SINHCAF: variants seen among roughly 807,000 people sequenced by gnomAD.
The protein encoded by SINHCAF is SIN3-HDAC complex associated factor.
Under a neutral mutation model 25.8 loss-of-function variants are expected in SINHCAF, and 3 were observed. The observed-to-expected ratio is 0.12, with a 90% CI of 0.05 to 0.30. The LOEUF (loss-of-function observed/expected upper bound fraction) is 0.30, where lower values mean the gene tolerates loss of function less well. Ranked by LOEUF, SINHCAF falls within the 10% of genes least tolerant of loss-of-function variation. The pLI is 1.00. For missense variants in SINHCAF, 121 were observed against 262.3 expected, an observed-to-expected ratio of 0.46 and a Z score of 3.72; for synonymous variants, 70 against 85.5, an observed-to-expected ratio of 0.82 and a Z score of 1.00.
At position 31,287,619 on chromosome 12, in the gene SINHCAF, CTT is replaced by C. The variant is rs1358074352; in HGVS notation, c.506+13_506+14del. 6.4e-7 allele frequency: 1 copy of C among 1,571,094 alleles called. No homozygotes were observed. The highest frequency in any genetic ancestry group is 1.4e-5 in the African/African-American group (1 of 73,950). On this transcript the variant is annotated intron_variant, in intron 5 of 5. Transcript: ENST00000337682. ...AGATGGTTTGCTGGTTAGAGAGATA[CTT>C]TGTTTCTTTTACCTTTTCCAGTAAG...
intron 1 of SINHCAF, among the ~76,000 whole-genome samples, chr12:31,299,798 A>G (rs538867074): frequency 3.9e-5 from 6 of 152,338 alleles, no homozygotes; most frequent in African/African-American, 1.4e-4. Context: ...ATCCTTGTGC[A>G]GACATCAGTG....
intron 1 of SINHCAF, among the ~76,000 whole-genome samples, chr12:31,321,931 A>G (rs923209782): frequency 4.6e-5 from 7 of 152,240 alleles, no homozygotes; most frequent in African/African-American, 1.7e-4. Context: ...TCTGACATAA[A>G]TATGTCTGAG....
chr12:31,324,116 T>C lies in SINHCAF; in HGVS notation c.-21+1908A>G. 1 of 451,608 alleles carries C rather than the reference T, an allele frequency of 2.2e-6. No homozygotes were observed. The highest frequency in any genetic ancestry group is 1.6e-5 in the South Asian group (1 of 64,284). The allele number at this position is 451,608 out of a possible 1,614,324, so 28.0% of individuals were successfully genotyped here. A position where few individuals can be genotyped will look rare whatever the true frequency, so the allele number is the denominator to read the frequency against. On this transcript the variant is annotated intron_variant, in intron 1 of 5. Coordinates refer to ENST00000337682, the MANE Select transcript of SINHCAF (RefSeq NM_001135812.2). This position sits in a 1 kb window ranked among gnomAD's most constrained non-coding sequence, Gnocchi z 5.5. Reference sequence around the variant, plus strand: ...GGGCGAGGGCGAGGGCAGCGGGAGGTGAACCGCGTCGCTCGCCGCCACCTC... The same window carrying C: ...GGGCGAGGGCGAGGGCAGCGGGAGGCGAACCGCGTCGCTCGCCGCCACCTC...
chr12:31,300,085 C>G (rs970237693), intron 1 of SINHCAF, among the ~76,000 whole-genome samples: 4 of 152,164 alleles, frequency 2.6e-5, no homozygotes, highest in African/African-American at 7.2e-5. Context: ...ATTATCTCGT[C>G]TGATCCCATT....
chr12:31,295,656 G>A (rs1000342441), intron 2 of SINHCAF, among the ~76,000 whole-genome samples: 2 of 152,162 alleles, frequency 1.3e-5, no homozygotes, highest in Non-Finnish European at 2.9e-5. Flanking sequence ...GATCACTTGA[G>A]GTCAGGAGTT....
chr12:31,324,858 G>T lies in SINHCAF; in HGVS notation c.-21+1166C>A. On this transcript the variant is annotated intron_variant, in intron 1 of 5. Transcript: ENST00000337682. This position sits in a 1 kb window ranked among gnomAD's most constrained non-coding sequence, Gnocchi z 5.5. ...CAGTGTCCTTGATGAGAAACGCCCG[G>T]AGTATCCGCCCCGCACGGGCGGAGA... The T allele has an allele frequency of 2.4e-6, 1 of 418,302 alleles. No homozygotes were observed. 25.9% of individuals were successfully genotyped at this position (418,302 alleles called of 1,614,324 possible).
intron 1 of SINHCAF, among the ~76,000 whole-genome samples, chr12:31,305,683 G>GA (rs1938993057): frequency 6.6e-6 from 1 of 150,838 alleles, no homozygotes; most frequent in Admixed American, 6.6e-5. Context: ...TCAAAATACG[G>GA]AAATATAGGC....
At chr12:31,323,462 T>C (rs1423143014) in intron 1 of SINHCAF, among the ~76,000 whole-genome samples, 2 of 152,062 alleles carry the variant, frequency 1.3e-5, no homozygotes, top group East Asian at 1.9e-4. Flanking sequence ...TTAGGACAAC[T>C]TAAGAAGGGG....
rs1937765377 is a variant in SINHCAF, at chr12:31,280,963, CA to C, written c.*1748del. ...AACTCAACTCACTGTATAGTCTGTG[CA>C]TATGGTGGCTTGTAGCATGTAGGTT... is the stretch of plus-strand genomic sequence containing the variant. On this transcript the variant is annotated 3_prime_UTR_variant, in exon 6 of 6. Transcript: ENST00000337682. 1 of 152,144 alleles carries C rather than the reference CA, an allele frequency of 6.6e-6. No homozygotes were observed. Among genetic ancestry groups the C allele is most frequent in the Non-Finnish European group, 1.5e-5 (1 of 68,018 alleles). 9.4% of individuals were successfully genotyped at this position (152,144 alleles called of 1,614,324 possible).
intron 1 of SINHCAF, among the ~76,000 whole-genome samples, chr12:31,313,805 C>A (rs553256120): frequency 6.6e-6 from 1 of 152,072 alleles, no homozygotes; most frequent in South Asian, 2.1e-4. Flanking sequence ...CCCACCACCT[C>A]GCCCGGCTAA....
chr12:31,314,016 T>C (rs777774653), intron 1 of SINHCAF, among the ~76,000 whole-genome samples: 2 of 151,474 alleles, frequency 1.3e-5, no homozygotes, highest in Admixed American at 6.6e-5. Flanking sequence ...CCACCTATCA[T>C]AGGCTGTTCC....
chr12:31,314,623 T>G, intron 1 of SINHCAF, among the ~76,000 whole-genome samples: 1 of 149,558 alleles, frequency 6.7e-6, no homozygotes. Flanking sequence ...AATAGGAGAG[T>G]ATATTTGAGA....
At chr12:31,308,172 CA>C (rs1240429948) in intron 1 of SINHCAF, among the ~76,000 whole-genome samples, 1 of 152,152 alleles carries the variant, frequency 6.6e-6, no homozygotes, top group African/African-American at 2.4e-5. Flanking sequence ...AACGCCTAGC[CA>C]CAAGTATCTG....
chr12:31,305,709 T>C (rs895719095), intron 1 of SINHCAF, among the ~76,000 whole-genome samples: 1 of 150,282 alleles, frequency 6.7e-6, no homozygotes, highest in East Asian at 1.9e-4. Flanking sequence ...TTTTTTTTTT[T>C]TTTTTTTTGA....
At chr12:31,287,061 T>C (rs912756060) in intron 5 of SINHCAF, among the ~76,000 whole-genome samples, 4 of 152,084 alleles carry the variant, frequency 2.6e-5, no homozygotes, top group African/African-American at 9.7e-5. Context: ...GGATTACAGG[T>C]GTGAGCCATC....
intron 1 of SINHCAF, among the ~76,000 whole-genome samples, chr12:31,301,100 C>T (rs755423931): frequency 1.5e-4 from 23 of 152,286 alleles, no homozygotes; most frequent in Non-Finnish European, 2.8e-4. Flanking sequence ...TTGACCAAGA[C>T]GCCATAGTTT....
chr12:31,284,187 T>C (rs1937939158), intron 5 of SINHCAF, among the ~76,000 whole-genome samples: 1 of 152,236 alleles, frequency 6.6e-6, no homozygotes. Flanking sequence ...CATCATTCCA[T>C]ACCTTCTCCC....
At chr12:31,284,598 A>G (rs949595891) in intron 5 of SINHCAF, among the ~76,000 whole-genome samples, 4 of 152,148 alleles carry the variant, frequency 2.6e-5, no homozygotes, top group African/African-American at 9.7e-5. Flanking sequence ...ACTTTAATGC[A>G]TCTGTAATTG....
intron 5 of SINHCAF, among the ~76,000 whole-genome samples, chr12:31,283,111 A>C (rs939760843): frequency 6.6e-6 from 1 of 152,152 alleles, no homozygotes; most frequent in Admixed American, 6.5e-5. Context: ...CGGCATTTTG[A>C]AAGACAGCAG....
Sources: allele counts gnomAD v4.1 joint callset (sites outside exome capture counted in the v4.1 genomes callset), GRCh38; gene constraint gnomAD v4.1.1; non-coding constraint Gnocchi (gnomAD v3.1); transcripts MANE v1.5; gene names NCBI Gene and HGNC (gene_info 2026-07-23, HGNC 2026-07-21).